The following SUSD3 variants were observed in gnomAD, a reference collection of about 807,000 sequenced individuals.
SUSD3 encodes sushi domain-containing protein 3.
A neutral mutation model predicts 20.6 loss-of-function variants in SUSD3; 18 were observed. The ratio of observed to expected loss-of-function variants is 0.87; its 90% confidence interval spans 0.60 to 1.30. The LOEUF (loss-of-function observed/expected upper bound fraction) is 1.30, where lower values mean the gene tolerates loss of function less well. SUSD3 is among the 50% of genes most tolerant of loss of function. The pLI is 0.00. For synonymous variants in SUSD3, 137 were observed against 141.5 expected, an observed-to-expected ratio of 0.97 and a Z score of 0.23; for missense variants, 306 against 346.9, an observed-to-expected ratio of 0.88 and a Z score of 0.94.
chr9:93,063,369 C>G (rs1014584194), intron 1 of SUSD3, among the ~76,000 whole-genome samples: 1 of 152,152 alleles, frequency 6.6e-6, no homozygotes, highest in African/African-American at 2.4e-5. Flanking sequence ...AGACCCCAGG[C>G]GGGCAAGTCA....
At chr9:93,064,195 A>G (rs977546295) in intron 1 of SUSD3, among the ~76,000 whole-genome samples, 2 of 152,102 alleles carry the variant, frequency 1.3e-5, no homozygotes, top group Admixed American at 1.3e-4. Flanking sequence ...CTACAGGTGC[A>G]CACCGCCACG....
chr9:93,073,774 G>A (rs1282700203), intron 1 of SUSD3, among the ~76,000 whole-genome samples: 1 of 152,198 alleles, frequency 6.6e-6, no homozygotes, highest in Non-Finnish European at 1.5e-5. Flanking sequence ...ACACTTCACT[G>A]CTGTGAAAAG....
chr9:93,068,778 C>G (rs1244536559), intron 1 of SUSD3, among the ~76,000 whole-genome samples: 2 of 152,124 alleles, frequency 1.3e-5, no homozygotes, highest in African/African-American at 4.8e-5. Context: ...TCAATGAATA[C>G]AGTAGATACA....
In SUSD3 at chr9:93,077,886, G is replaced by C; in HGVS notation, c.318G>C (p.Val106=). Reference sequence around the variant, plus strand: ...AGACCTTTGGCTTCAAGGTGGCCGTGATCGCCTCCATTGTGAGCTGTGCCA... The same window carrying C: ...AGACCTTTGGCTTCAAGGTGGCCGTCATCGCCTCCATTGTGAGCTGTGCCA... The part of the protein sequence containing the change: ...PHETFGFKVA[V]IASIVSCAII... Residue 106 remains valine (V), a synonymous_variant, in exon 3 of 5, where the codon GTG becomes GTC. Transcript: ENST00000375472. 2 of 1,614,178 alleles carry C rather than the reference G, an allele frequency of 1.2e-6. No individual in the cohort carries two copies. Among genetic ancestry groups the C allele is most frequent in the Non-Finnish European group, 1.7e-6 (2 of 1,180,030 alleles).
chr9:93,068,836 C>T (rs529206794), intron 1 of SUSD3, among the ~76,000 whole-genome samples: 4 of 152,030 alleles, frequency 2.6e-5, no homozygotes, highest in Admixed American at 6.6e-5. Context: ...ATTCCAGGAC[C>T]CCTCAGTGCA....
chr9:93,075,735 T>TTCCCCCCC, intron 1 of SUSD3, 49 bp from the exon 2 acceptor site: 68 of 247,408 alleles, frequency 2.7e-4, no homozygotes, highest in South Asian at 7.2e-4. Context: ...CTGCCCTGCG[T>TTCCCCCCC]GCCCACCCCC....
intron 1 of SUSD3, among the ~76,000 whole-genome samples, chr9:93,062,789 C>T (rs1191673004): frequency 1.3e-5 from 2 of 152,092 alleles, no homozygotes. Flanking sequence ...CAAGGGTGAT[C>T]CACCAGCTCC....
At chr9:93,081,609 G>T (rs1006333293) in intron 4 of SUSD3, among the ~76,000 whole-genome samples, 9 of 152,166 alleles carry the variant, frequency 5.9e-5, no homozygotes, top group African/African-American at 1.7e-4. Flanking sequence ...ACAGGAGATG[G>T]TGGTCTCTGT....
intron 1 of SUSD3, among the ~76,000 whole-genome samples, chr9:93,073,754 G>A (rs1216187048): frequency 6.6e-6 from 1 of 152,184 alleles, no homozygotes; most frequent in African/African-American, 2.4e-5. Context: ...AGGCCCATCT[G>A]CACAATGGAA....
intron 4 of SUSD3, among the ~76,000 whole-genome samples, chr9:93,084,255 C>A (rs1331477730): frequency 6.6e-6 from 1 of 152,140 alleles, no homozygotes; most frequent in East Asian, 1.9e-4. Context: ...CCCAGGAAGT[C>A]CCTTCCCACA....
At chr9:93,077,786 C>G in intron 2 of SUSD3, 60 bp from the exon 3 acceptor site, 1 of 1,604,774 alleles carries the variant, frequency 6.2e-7, no homozygotes, top group Non-Finnish European at 8.5e-7. Flanking sequence ...ACCCCCAACC[C>G]CTGGGCCAAG....
chr9:93,076,243 C>G lies in SUSD3; in HGVS notation c.277+271C>G, dbSNP rs1162779397. 2.0e-5 allele frequency among the ~76,000 whole-genome samples: 3 copies of G among 152,244 alleles called. No individual in the cohort carries two copies. In the East Asian group the frequency reaches 5.8e-4, roughly 29 times the overall value. On this transcript the variant is annotated intron_variant, in intron 2 of 4. Transcript: ENST00000375472. Reference sequence around the variant, plus strand: ...CTCTGCTACCGACTCAGCCCCTCACCGCCAAGAGGCTGTGCATGCTCTCTG... The same window carrying G: ...CTCTGCTACCGACTCAGCCCCTCACGGCCAAGAGGCTGTGCATGCTCTCTG...
chr9:93,075,775 T>C lies in SUSD3; in HGVS notation c.89-9T>C. 9.8e-7 allele frequency: 1 copy of C among 1,022,394 alleles called. No homozygotes were observed. Among genetic ancestry groups the C allele is most frequent in the South Asian group, 1.4e-5 (1 of 69,642 alleles). 63.3% of individuals were successfully genotyped at this position (1,022,394 alleles called of 1,614,324 possible). On this transcript the variant is annotated splice_polypyrimidine_tract_variant and intron_variant, in intron 1 of 4. Coordinates refer to ENST00000375472, the MANE Select transcript of SUSD3 (RefSeq NM_145006.4). ...CCCCGCCATGCCTCATACCTGCCTG[T>C]CTCCCCAGGCACGTGCGCTAAGCTG...
At position 93,068,511 on chromosome 9, in the gene SUSD3, C is replaced by G. The variant is rs566143171; in HGVS notation, c.89-7273C>G. Among the ~76,000 whole-genome samples, 52 of 152,312 alleles carry G rather than the reference C, an allele frequency of 3.4e-4. No individual in the cohort carries two copies. In the South Asian group the frequency reaches 9.5e-3, roughly 28 times the overall value. ...AGGGTTTACCTCTGCACTCTCAGTT[C>G]TATTCTGTTGGCCTTTATGTCTGTC... On this transcript the variant is annotated intron_variant, in intron 1 of 4. Transcript: ENST00000375472.
chr9:93,078,822 C>T (rs1373538779), intron 3 of SUSD3, among the ~76,000 whole-genome samples: 6 of 149,106 alleles, frequency 4.0e-5, no homozygotes, highest in Admixed American at 6.7e-5. Flanking sequence ...TTTTTTGAGA[C>T]GGAGTCTCAC....
intron 4 of SUSD3, among the ~76,000 whole-genome samples, 190 bp from the exon 5 acceptor site, chr9:93,084,347 G>A (rs1190417992): frequency 6.6e-6 from 1 of 152,120 alleles, no homozygotes; most frequent in Admixed American, 6.5e-5. Context: ...GGGCCCGGCA[G>A]GGAGATGGAG....
At position 93,079,561 on chromosome 9, in the gene SUSD3, G is replaced by A. The variant is rs1220226133; in HGVS notation, c.516G>A (p.Val172=). ...YLGLKHFNKP[V]SGPSQAHDNH... ...GCCTCAAGCACTTCAACAAACCCGTGAGCGGGCCCAGCCAGGCGCACGACA... is the reference window on the plus strand; with the variant it reads ...GCCTCAAGCACTTCAACAAACCCGTAAGCGGGCCCAGCCAGGCGCACGACA... Residue 172 remains valine, a synonymous_variant, in exon 4 of 5, where the codon GTG becomes GTA. Transcript: ENST00000375472. 6.2e-6 allele frequency: 10 copies of A among 1,614,032 alleles called. No individual in the cohort carries two copies. Among genetic ancestry groups the A allele is most frequent in the Non-Finnish European group, 8.5e-6 (10 of 1,180,004 alleles).
intron 1 of SUSD3, among the ~76,000 whole-genome samples, chr9:93,061,563 A>C (rs1825507171): frequency 2.0e-5 from 3 of 152,258 alleles, no homozygotes; most frequent in African/African-American, 7.2e-5. Flanking sequence ...TGGAAGGCAG[A>C]AGTGGCTCTG....
At chr9:93,058,859 C>T in intron 1 of SUSD3, 29 bp downstream of exon 1, 1 of 1,214,708 alleles carries the variant, frequency 8.2e-7, no homozygotes, top group Non-Finnish European at 1.0e-6. Flanking sequence ...TGGCCGCGTG[C>T]GGGGCTCTGC....
Sources: allele counts gnomAD v4.1 joint callset (sites outside exome capture counted in the v4.1 genomes callset), GRCh38; gene constraint gnomAD v4.1.1; transcripts MANE v1.5; gene names NCBI Gene and HGNC (gene_info 2026-07-23, HGNC 2026-07-21).